Variants in MRPS26 observed in about 807,000 individuals in gnomAD.
MRPS26 encodes the protein mitochondrial ribosomal protein S26.
In MRPS26, 26 loss-of-function variants were observed where a neutral mutation model predicts 22.7. The observed-to-expected ratio is 1.15, with a 90% confidence interval of 0.84 to 1.59. MRPS26 has a LOEUF of 1.59. Ranked by LOEUF, MRPS26 falls within the 40% of genes most tolerant of loss-of-function variation. MRPS26 has a pLI of 0.00. For missense variants in MRPS26, 291 were observed against 287.7 expected (o/e 1.01, Z -0.08); for synonymous variants, 120 against 124.0 (o/e 0.97, Z 0.22).
chr20:3,047,615 C>A, intron 3 of MRPS26, 120 bp from the exon 4 acceptor site: 1 of 1,395,024 alleles, frequency 7.2e-7, no homozygotes, highest in Non-Finnish European at 9.8e-7. Flanking sequence ...GGGTTCCAGG[C>A]ATGCTTCCCC....
At chr20:3,046,795 G>A (rs991811394) in intron 3 of MRPS26, 58 bp downstream of exon 3, 17 of 1,520,056 alleles carry the variant, frequency 1.1e-5, no homozygotes, top group Non-Finnish European at 1.5e-5. Context: ...GCGGGGCACT[G>A]GGAATTCTGG....
rs1031730854 is a variant in MRPS26, at chr20:3,046,232, T to C, written c.164T>C (p.Val55Ala). 7 of 1,605,674 alleles carry C rather than the reference T, an allele frequency of 4.4e-6. No individual in the cohort carries two copies. Among genetic ancestry groups the C allele is most frequent in the Non-Finnish European group, 5.9e-6 (7 of 1,179,634 alleles). Residue 55 changes from valine to alanine, a missense_variant, in exon 1 of 4, where the codon GTG becomes GCG. By Grantham distance (64) the Val-to-Ala change is moderately conservative. Transcript: ENST00000380325. ...PPAVDPAEFF[V>A]LMERYQHYRQ... Reference sequence around the variant, plus strand: ...GCGGTGGACCCTGCGGAGTTCTTCGTGCTGATGGAGCGTTACCAGCACTAC... The same window carrying C: ...GCGGTGGACCCTGCGGAGTTCTTCGCGCTGATGGAGCGTTACCAGCACTAC...
In MRPS26 at chr20:3,046,085, G is replaced by A. The variant is rs761460803; in HGVS notation, c.17G>A (p.Ser6Asn). 62 of 1,527,442 alleles carry A rather than the reference G, an allele frequency of 4.1e-5. 2 individuals are homozygous for A. The Middle Eastern group carries it at 1.0e-3, about 25-fold the overall frequency. 94.6% of individuals were successfully genotyped at this position (1,527,442 alleles called of 1,614,324 possible). Residue 6 changes from serine to asparagine, a missense_variant, in exon 1 of 4, where the codon AGC becomes AAC. Ser to Asn is a conservative substitution (Grantham distance 46, BLOSUM62 1). Coordinates refer to ENST00000380325, the MANE Select transcript of MRPS26 (RefSeq NM_030811.4). ...GACTCGGCCATGCTACGCGCGCTGA[G>A]CCGCCTGGGCGCGGGGACCCCGTGC... MLRAL[S>N]RLGAGTPCRP...
chr20:3,046,179 C>G lies in MRPS26; in HGVS notation c.111C>G (p.Ser37=). The G allele has an allele frequency of 1.3e-6, 2 of 1,599,824 alleles. No individual in the cohort carries two copies. Among genetic ancestry groups the G allele is most frequent in the Non-Finnish European group, 1.7e-6 (2 of 1,179,514 alleles). ...CCCGCCACGACCCGCTGGCCAAATC[C>G]AAGATCGAGCGAGTGAACATGCCGC... ...RKTRHDPLAK[S]KIERVNMPPA... Residue 37 remains serine, a synonymous_variant, in exon 1 of 4, where the codon TCC becomes TCG. Transcript: ENST00000380325.
At chr20:3,046,945 T>C (rs969726944) in intron 3 of MRPS26, among the ~76,000 whole-genome samples, 1 of 152,184 alleles carries the variant, frequency 6.6e-6, no homozygotes, top group African/African-American at 2.4e-5. Flanking sequence ...AGCAGGTCTG[T>C]GGGAGGGACC....
intron 3 of MRPS26, 24 bp downstream of exon 3, chr20:3,046,761 G>A: frequency 2.0e-6 from 3 of 1,523,882 alleles, no homozygotes; most frequent in Non-Finnish European, 1.8e-6. Context: ...CCGGAGGGTG[G>A]GACTCCAGCC....
intron 3 of MRPS26, 121 bp from the exon 4 acceptor site, chr20:3,047,614 G>A: frequency 1.4e-6 from 2 of 1,388,986 alleles, no homozygotes; most frequent in Non-Finnish European, 2.0e-6. Context: ...TGGGTTCCAG[G>A]CATGCTTCCC....
chr20:3,046,544 G>A (rs1228472257), intron 2 of MRPS26, 25 bp downstream of exon 2: 47 of 1,512,866 alleles, frequency 3.1e-5, no homozygotes, highest in Non-Finnish European at 4.0e-5. Flanking sequence ...AGGCGGGGCG[G>A]GGCGGCGCGG....
rs758359794 is a variant in MRPS26 at position 3,046,106 on chromosome 20, C to G, written c.38C>G (p.Pro13Arg). 1.9e-6 allele frequency: 3 copies of G among 1,557,984 alleles called. No individual in the cohort carries two copies. Among genetic ancestry groups the G allele is most frequent in the Non-Finnish European group, 2.6e-6 (3 of 1,160,410 alleles). Reference protein sequence around the residue: ...RALSRLGAGTPCRPRAPLVLP... With the variant: ...RALSRLGAGTRCRPRAPLVLP... The stretch of plus-strand genomic sequence containing the variant: ...CTGAGCCGCCTGGGCGCGGGGACCC[C>G]GTGCAGGCCCCGGGCCCCTCTGGTG... Residue 13 changes from proline (P) to arginine (R), a missense_variant, in exon 1 of 4, where the codon CCG becomes CGG. Physicochemically the swap from Pro to Arg is moderately radical, Grantham distance 103. Coordinates refer to ENST00000380325, the MANE Select transcript of MRPS26 (RefSeq NM_030811.4).
At chr20:3,046,550 C>T (rs1337551771) in intron 2 of MRPS26, 31 bp downstream of exon 2, 9 of 1,509,812 alleles carry the variant, frequency 6.0e-6, no homozygotes, top group South Asian at 1.3e-5. Context: ...GGCGGGGCGG[C>T]GCGGCCTGGC....
chr20:3,046,230 C>T lies in MRPS26; in HGVS notation c.162C>T (p.Phe54=), dbSNP rs778372833. The T allele has an allele frequency of 3.1e-6, 5 of 1,605,448 alleles. 1 individual carries two copies. The South Asian group carries it at 4.4e-5, about 14-fold the overall frequency. Residue 54 remains phenylalanine (F), a synonymous_variant, in exon 1 of 4, where the codon TTC becomes TTT. Coordinates refer to ENST00000380325, the MANE Select transcript of MRPS26 (RefSeq NM_030811.4). ...CCGCGGTGGACCCTGCGGAGTTCTT[C>T]GTGCTGATGGAGCGTTACCAGCACT... ...MPPAVDPAEF[F]VLMERYQHYR...
chr20:3,048,009 C>G lies in MRPS26; in HGVS notation c.*140C>G, dbSNP rs1235072680. Reference sequence around the variant, plus strand: ...CAGCACAGCCTTCACGTTTTGCCCTCTGCTGTCACCACTTGGTCAGAAACT... The same window carrying G: ...CAGCACAGCCTTCACGTTTTGCCCTGTGCTGTCACCACTTGGTCAGAAACT... On this transcript the variant is annotated 3_prime_UTR_variant, in exon 4 of 4. Coordinates refer to ENST00000380325, the MANE Select transcript of MRPS26 (RefSeq NM_030811.4). The surrounding 1 kb of genome is among the most constrained non-coding windows in gnomAD (Gnocchi z 4.1). 1 of 1,010,562 alleles carries G rather than the reference C, an allele frequency of 9.9e-7. No individual in the cohort carries two copies. Among genetic ancestry groups the G allele is most frequent in the African/African-American group, 1.7e-5 (1 of 60,228 alleles). 62.6% of individuals were successfully genotyped at this position (1,010,562 alleles called of 1,614,324 possible).
chr20:3,046,215 C>T lies in MRPS26; in HGVS notation c.147C>T (p.Asp49=). Residue 49 remains aspartate (D), a synonymous_variant, in exon 1 of 4, where the codon GAC becomes GAT. Coordinates refer to ENST00000380325, the MANE Select transcript of MRPS26 (RefSeq NM_030811.4). ...GAGTGAACATGCCGCCCGCGGTGGA[C>T]CCTGCGGAGTTCTTCGTGCTGATGG... ...IERVNMPPAV[D]PAEFFVLMER... 2 of 1,603,840 alleles carry T rather than the reference C, an allele frequency of 1.2e-6. No individual in the cohort carries two copies. Among genetic ancestry groups the T allele is most frequent in the Non-Finnish European group, 1.7e-6 (2 of 1,179,620 alleles).
chr20:3,048,020 A>C lies in MRPS26; in HGVS notation c.*151A>C. 1 of 910,350 alleles carries C rather than the reference A, an allele frequency of 1.1e-6. No individual in the cohort carries two copies. Among genetic ancestry groups the C allele is most frequent in the Non-Finnish European group, 1.6e-6 (1 of 640,648 alleles). 56.4% of individuals were successfully genotyped at this position (910,350 alleles called of 1,614,324 possible). On this transcript the variant is annotated 3_prime_UTR_variant, in exon 4 of 4. Transcript: ENST00000380325. The surrounding 1 kb of genome is among the most constrained non-coding windows in gnomAD (Gnocchi z 4.1). ...TCACGTTTTGCCCTCTGCTGTCACCACTTGGTCAGAAACTTCCAAACGCAG... is the reference window on the plus strand; with the variant it reads ...TCACGTTTTGCCCTCTGCTGTCACCCCTTGGTCAGAAACTTCCAAACGCAG...
Position 3,047,801 on chromosome 20 carries a change from C to T in MRPS26, c.550C>T (p.Arg184Trp), listed in dbSNP as rs971369313. Residue 184 changes from arginine (R) to tryptophan (W), a missense_variant, in exon 4 of 4, where the codon CGG becomes TGG. Transcript: ENST00000380325. The stretch of plus-strand genomic sequence containing the variant: ...ACGGGTGGAAGCAGCATTGGACTCC[C>T]GGAAGAACTACAACTGGGCCATCAC... ...EARVEAALDS[R>W]KNYNWAITRE... is the part of the protein sequence containing the mutation. 2.0e-5 allele frequency: 32 copies of T among 1,613,598 alleles called. No homozygotes were observed. Among genetic ancestry groups the T allele is most frequent in the Non-Finnish European group, 2.3e-5 (27 of 1,179,840 alleles).
chr20:3,046,312 C>A, intron 1 of MRPS26, 32 bp downstream of exon 1: 1 of 1,604,914 alleles, frequency 6.2e-7, no homozygotes, highest in Non-Finnish European at 8.5e-7. Flanking sequence ...GCCGCCCGCG[C>A]GCGCTGGTGA....
In MRPS26 at chr20:3,047,979, T is replaced by TTA; in HGVS notation, c.*112_*113dup. ...TGTTGCTTATGAGGAAGGTTCAGCC[T>TTA]TATCCAGCACAGCCTTCACGTTTTG... On this transcript the variant is annotated 3_prime_UTR_variant, in exon 4 of 4. Coordinates refer to ENST00000380325, the MANE Select transcript of MRPS26 (RefSeq NM_030811.4). The TTA allele has an allele frequency of 7.4e-7, 1 of 1,342,974 alleles. No homozygotes were observed. The highest frequency in any genetic ancestry group is 9.9e-7 in the Non-Finnish European group (1 of 1,011,130). 83.2% of individuals were successfully genotyped at this position (1,342,974 alleles called of 1,614,324 possible).
In MRPS26 at chr20:3,046,670, A is replaced by G; in HGVS notation, c.416A>G (p.Gln139Arg). Reference sequence around the variant, plus strand: ...CAGGAGCAGCGGCAGGCGTTGGAGCAGGCCCGCAAGGCCGAAGAGGTGCAG... The same window carrying G: ...CAGGAGCAGCGGCAGGCGTTGGAGCGGGCCCGCAAGGCCGAAGAGGTGCAG... ...REQEQRQALE[Q>R]ARKAEEVQAW... is the part of the protein sequence containing the mutation. The change falls in exon 3 of 4, where the codon CAG (glutamine) becomes CGG (arginine). Residue 139 changes from glutamine (Q) to arginine (R), a missense_variant. By Grantham distance (43) the Gln-to-Arg change is conservative. Coordinates refer to ENST00000380325, the MANE Select transcript of MRPS26 (RefSeq NM_030811.4). The G allele has an allele frequency of 4.5e-6, 7 of 1,544,222 alleles. No homozygotes were observed. The highest frequency in any genetic ancestry group is 5.2e-6 in the Non-Finnish European group (6 of 1,144,426).
Position 3,046,431 on chromosome 20 carries a change from G to T in MRPS26, c.271G>T (p.Ala91Ser). The part of the protein sequence containing the change: ...KVHEARAGVL[A>S]ERKALKDAAE... The stretch of plus-strand genomic sequence containing the variant: ...GCACGAGGCCCGAGCCGGGGTTCTG[G>T]CGGAGCGCAAGGCCCTGAAGGACGC... Residue 91 changes from alanine to serine, a missense_variant, in exon 2 of 4, where the codon GCG becomes TCG. By Grantham distance (99) the Ala-to-Ser change is moderately conservative (BLOSUM62 1). Transcript: ENST00000380325. 1 of 1,605,062 alleles carries T rather than the reference G, an allele frequency of 6.2e-7. No homozygotes were observed.
Sources: gnomAD v4.1 joint callset for allele counts (sites outside exome capture counted in the v4.1 genomes callset) on GRCh38, gnomAD v4.1.1 for gene constraint, Gnocchi (gnomAD v3.1) non-coding constraint, MANE v1.5 for transcripts, NCBI Gene and HGNC (gene_info 2026-07-23, HGNC 2026-07-21) for gene names.